POU4F1: variants seen among roughly 807,000 people sequenced by gnomAD.
POU4F1 encodes POU domain, class 4, transcription factor 1.
In POU4F1, 5 loss-of-function variants were observed where a neutral mutation model predicts 19.8. That is an observed-to-expected ratio of 0.25 (90% confidence interval 0.13 to 0.53). POU4F1 has a LOEUF of 0.53. Among genes scored for constraint, POU4F1 ranks in the 20% least tolerant of loss-of-function variants. The pLI is 0.96. For synonymous variants in POU4F1, 266 were observed against 247.7 expected, an observed-to-expected ratio of 1.07 and a Z score of -0.69; for missense variants, 408 against 511.6, an observed-to-expected ratio of 0.80 and a Z score of 1.95.
rs866826021 is a variant in POU4F1 at position 78,602,231 on chromosome 13, C to T, written c.444G>A (p.Gly148=). The T allele has an allele frequency of 2.1e-6, 2 of 956,812 alleles. No homozygotes were observed. The highest frequency in any genetic ancestry group is 2.5e-6 in the Non-Finnish European group (2 of 808,382). The allele number at this position is 956,812 out of a possible 1,614,324, so 59.3% of individuals were successfully genotyped here. A position where few individuals can be genotyped will look rare whatever the true frequency, so the allele number is the denominator to read the frequency against. Reference sequence around the variant, plus strand: ...CGCCGCCGCCCGGGCCGCCACCGCCCCCCGGGCCGTCGTGGGCGCCGCCGC... The same window carrying T: ...CGCCGCCGCCCGGGCCGCCACCGCCTCCCGGGCCGTCGTGGGCGCCGCCGC... ...AGGGGAHDGP[G]GGGGPGGGGG... is the part of the protein sequence containing the mutation. The change falls in exon 2 of 2, where the codon GGG becomes GGA. Residue 148 remains glycine, a synonymous_variant. Transcript: ENST00000377208.
intron 1 of POU4F1, among the ~76,000 whole-genome samples, 183 bp downstream of exon 1, chr13:78,603,021 G>A (rs1874776053): frequency 6.6e-6 from 1 of 152,202 alleles, no homozygotes; most frequent in Non-Finnish European, 1.5e-5. Context: ...CGGAGGCAGA[G>A]GCAGACAGGA....
At chr13:78,602,716 G>A (rs1874765733) in intron 1 of POU4F1, among the ~76,000 whole-genome samples, 165 bp from the exon 2 acceptor site, 1 of 148,394 alleles carries the variant, frequency 6.7e-6, no homozygotes, top group Non-Finnish European at 1.5e-5. Context: ...GGGAAAGACG[G>A]AGAGGGGGCA....
chr13:78,602,258 G>T lies in POU4F1; in HGVS notation c.417C>A (p.Gly139=), dbSNP rs1013723680. 3.9e-6 allele frequency: 4 copies of T among 1,031,728 alleles called. No individual in the cohort carries two copies. Among genetic ancestry groups the T allele is most frequent in the African/African-American group, 1.7e-5 (1 of 57,800 alleles). The allele number at this position is 1,031,728 out of a possible 1,614,324, so 63.9% of individuals were successfully genotyped here. Residue 139 remains glycine, a synonymous_variant, in exon 2 of 2, where the codon GGC becomes GGA. Transcript: ENST00000377208. ...CCGGGCCGTCGTGGGCGCCGCCGCCGCCGGCCGCCGCGCCCGCGCCGCCCG... is the reference window on the plus strand; with the variant it reads ...CCGGGCCGTCGTGGGCGCCGCCGCCTCCGGCCGCCGCGCCCGCGCCGCCCG... The part of the protein sequence containing the change: ...AGAGGAGAAA[G]GGGAHDGPGG...
At position 78,602,287 on chromosome 13, in the gene POU4F1, C is replaced by T. The variant is rs1874744995; in HGVS notation, c.388G>A (p.Gly130Ser). The T allele has an allele frequency of 1.6e-6, 2 of 1,223,812 alleles. No individual in the cohort carries two copies. Among genetic ancestry groups the T allele is most frequent in the African/African-American group, 1.6e-5 (1 of 63,830 alleles). The allele number at this position is 1,223,812 out of a possible 1,614,324, so 75.8% of individuals were successfully genotyped here. A position where few individuals can be genotyped will look rare whatever the true frequency, so the allele number is the denominator to read the frequency against. The change falls in exon 2 of 2, where the codon GGC becomes AGC. Residue 130 changes from glycine to serine, a missense_variant. Transcript: ENST00000377208. ...ISSPSLALMA[G>S]AGGAGAAAGG... ...GCCGCCGCGCCCGCGCCGCCCGCGC[C>T]GGCCATGAGCGCGAGCGACGGCGAG... is the stretch of plus-strand genomic sequence containing the variant.
At position 78,603,191 on chromosome 13, in the gene POU4F1, G is replaced by C. The variant is rs369782893; in HGVS notation, c.123+13C>G. 6.7e-7 allele frequency: 1 copy of C among 1,495,902 alleles called. No individual in the cohort carries two copies. 92.7% of individuals were successfully genotyped at this position (1,495,902 alleles called of 1,614,324 possible). ...GGGCGCGCGGGCCGGGGCCGCGGGCGTGGGGCGCTTACCGGCGGCGTGGGC... is the reference window on the plus strand; with the variant it reads ...GGGCGCGCGGGCCGGGGCCGCGGGCCTGGGGCGCTTACCGGCGGCGTGGGC... On this transcript the variant is annotated intron_variant, in intron 1 of 1. Coordinates refer to ENST00000377208, the MANE Select transcript of POU4F1 (RefSeq NM_006237.4).
rs1309375542 is a variant in POU4F1, at chr13:78,602,213, G to T, written c.462C>A (p.Gly154=). The change falls in exon 2 of 2, where the codon GGC becomes GGA. Residue 154 remains glycine, a synonymous_variant. Transcript: ENST00000377208. ...GGCCGCCGCCCGGGCCGCCGCCGCCGCCCGGGCCGCCACCGCCCCCCGGGC... is the reference window on the plus strand; with the variant it reads ...GGCCGCCGCCCGGGCCGCCGCCGCCTCCCGGGCCGCCACCGCCCCCCGGGC... ...HDGPGGGGGP[G]GGGGPGGGPG... is the part of the protein sequence containing the mutation. The T allele has an allele frequency of 6.3e-6, 5 of 787,700 alleles. No individual in the cohort carries two copies. Among genetic ancestry groups the T allele is most frequent in the Non-Finnish European group, 7.6e-6 (5 of 654,550 alleles). 48.8% of individuals were successfully genotyped at this position (787,700 alleles called of 1,614,324 possible). A position where few individuals can be genotyped will look rare whatever the true frequency, so the allele number is the denominator to read the frequency against.
chr13:78,601,184 C>A lies in POU4F1; in HGVS notation c.*231G>T. 2.9e-6 allele frequency: 1 copy of A among 340,254 alleles called. No individual in the cohort carries two copies. The highest frequency in any genetic ancestry group is 2.3e-5 in the South Asian group (1 of 42,584). 21.1% of individuals were successfully genotyped at this position (340,254 alleles called of 1,614,324 possible). On this transcript the variant is annotated 3_prime_UTR_variant, in exon 2 of 2. Transcript: ENST00000377208. ...CTCCCCCGAATGCTCCCCCCCTTCT[C>A]CCCTACCCTATACTCCAATCCCCAC...
At position 78,601,169 on chromosome 13, in the gene POU4F1, T is replaced by G; in HGVS notation, c.*246A>C. The G allele has an allele frequency of 4.2e-5, 2 of 47,998 alleles. No homozygotes were observed. Among genetic ancestry groups the G allele is most frequent in the Admixed American group, 2.9e-4 (1 of 3,448 alleles). 3.0% of individuals were successfully genotyped at this position (47,998 alleles called of 1,614,324 possible). On this transcript the variant is annotated 3_prime_UTR_variant, in exon 2 of 2. Transcript: ENST00000377208. ...TCCCCCCACTCCCCACTCCCCCGAA[T>G]GCTCCCCCCCTTCTCCCCTACCCTA...
Position 78,601,241 on chromosome 13 carries a change from C to T in POU4F1, c.*174G>A. The T allele has an allele frequency of 8.7e-7, 1 of 1,147,058 alleles. No homozygotes were observed. The highest frequency in any genetic ancestry group is 1.6e-5 in the South Asian group (1 of 63,336). 71.1% of individuals were successfully genotyped at this position (1,147,058 alleles called of 1,614,324 possible). Reference sequence around the variant, plus strand: ...CACCCCAGTCCTCAAGGCTAGGGGACAGCAAAGGCAGGAAAATCAGAGAAT... The same window carrying T: ...CACCCCAGTCCTCAAGGCTAGGGGATAGCAAAGGCAGGAAAATCAGAGAAT... On this transcript the variant is annotated 3_prime_UTR_variant, in exon 2 of 2. Coordinates refer to ENST00000377208, the MANE Select transcript of POU4F1 (RefSeq NM_006237.4).
rs1874637662 is a variant in POU4F1, at chr13:78,600,186, G to T, written c.*1229C>A. The T allele has an allele frequency of 6.6e-6, 1 of 152,018 alleles. No homozygotes were observed. Among genetic ancestry groups the T allele is most frequent in the African/African-American group, 2.4e-5 (1 of 41,384 alleles). The allele number at this position is 152,018 out of a possible 1,614,324, so 9.4% of individuals were successfully genotyped here. On this transcript the variant is annotated 3_prime_UTR_variant, in exon 2 of 2. Coordinates refer to ENST00000377208, the MANE Select transcript of POU4F1 (RefSeq NM_006237.4). ...ATGTCCTCCAAGAGAGGAAGAAACG[G>T]GACCTAGAAGAGCAAGATGAGTCTC... is the stretch of plus-strand genomic sequence containing the variant.
In POU4F1 at chr13:78,601,201, A is replaced by T; in HGVS notation, c.*214T>A. On this transcript the variant is annotated 3_prime_UTR_variant, in exon 2 of 2. Transcript: ENST00000377208. ...CCCCTTCTCCCCTACCCTATACTCC[A>T]ATCCCCACACCCAGCACCCCAGTCC... The T allele has an allele frequency of 3.0e-6, 1 of 332,076 alleles. No homozygotes were observed. The allele number at this position is 332,076 out of a possible 1,614,324, so 20.6% of individuals were successfully genotyped here. A position where few individuals can be genotyped will look rare whatever the true frequency, so the allele number is the denominator to read the frequency against.
intron 1 of POU4F1, 36 bp downstream of exon 1, chr13:78,603,168 G>A: frequency 7.5e-7 from 1 of 1,328,028 alleles, no homozygotes; most frequent in Non-Finnish European, 9.7e-7. Flanking sequence ...GGAGGGGCGG[G>A]CGCGCGGGCC....
intron 1 of POU4F1, among the ~76,000 whole-genome samples, chr13:78,602,897 C>A (rs949635174): frequency 6.6e-6 from 1 of 152,200 alleles, no homozygotes; most frequent in Admixed American, 6.5e-5. Flanking sequence ...CCGTGTCACA[C>A]ACCCGAGCAC....
Position 78,601,236 on chromosome 13 carries a change from G to C in POU4F1, c.*179C>G, listed in dbSNP as rs968355716. On this transcript the variant is annotated 3_prime_UTR_variant, in exon 2 of 2. Transcript: ENST00000377208. ...CCCAGCACCCCAGTCCTCAAGGCTA[G>C]GGGACAGCAAAGGCAGGAAAATCAG... 60 of 1,143,098 alleles carry C rather than the reference G, an allele frequency of 5.2e-5. No homozygotes were observed. The African/African-American group carries it at 9.4e-4, about 18-fold the overall frequency. The allele number at this position is 1,143,098 out of a possible 1,614,324, so 70.8% of individuals were successfully genotyped here. A position where few individuals can be genotyped will look rare whatever the true frequency, so the allele number is the denominator to read the frequency against.
Position 78,598,854 on chromosome 13 carries a change from A to C in POU4F1, c.*2561T>G, listed in dbSNP as rs943396781. The C allele has an allele frequency of 2.0e-5, 3 of 152,174 alleles. No homozygotes were observed. The highest frequency in any genetic ancestry group is 7.2e-5 in the African/African-American group (3 of 41,448). 9.4% of individuals were successfully genotyped at this position (152,174 alleles called of 1,614,324 possible). ...TTAAATGTTTTTTGGGTGCCTGGTT[A>C]TTTATTGGTTTTCACCACTCTGGAT... On this transcript the variant is annotated 3_prime_UTR_variant, in exon 2 of 2. Transcript: ENST00000377208.
At position 78,599,980 on chromosome 13, in the gene POU4F1, A is replaced by G. The variant is rs1197086941; in HGVS notation, c.*1435T>C. On this transcript the variant is annotated 3_prime_UTR_variant, in exon 2 of 2. Coordinates refer to ENST00000377208, the MANE Select transcript of POU4F1 (RefSeq NM_006237.4). ...CTGTAATAAATGACTCTTGAATAAT[A>G]AGAACAAGTAAAAGGAAACACAGTT... is the stretch of plus-strand genomic sequence containing the variant. 6.5e-6 allele frequency: 1 copy of G among 152,676 alleles called. No individual in the cohort carries two copies. The highest frequency in any genetic ancestry group is 1.9e-4 in the East Asian group (1 of 5,206). The allele number at this position is 152,676 out of a possible 1,614,324, so 9.5% of individuals were successfully genotyped here.
chr13:78,603,443 G>C lies in POU4F1; in HGVS notation c.-117C>G, dbSNP rs1012256024. ...AGCCGCGGCGGTCGCGGCGGCTGGC[G>C]GCGGCCCCGCCGCGGGCTGCTGCTG... On this transcript the variant is annotated 5_prime_UTR_variant, in exon 1 of 2. Coordinates refer to ENST00000377208, the MANE Select transcript of POU4F1 (RefSeq NM_006237.4). 1.2e-4 allele frequency: 157 copies of C among 1,333,256 alleles called. No individual in the cohort carries two copies. In the African/African-American group the frequency reaches 2.3e-3, roughly 19 times the overall value. The allele number at this position is 1,333,256 out of a possible 1,614,324, so 82.6% of individuals were successfully genotyped here. A position where few individuals can be genotyped will look rare whatever the true frequency, so the allele number is the denominator to read the frequency against.
rs546406313 is a variant in POU4F1 at position 78,601,030 on chromosome 13, G to A, written c.*385C>T. On this transcript the variant is annotated 3_prime_UTR_variant, in exon 2 of 2. Coordinates refer to ENST00000377208, the MANE Select transcript of POU4F1 (RefSeq NM_006237.4). ...GTTCCTTGGTCCCCAGGATATTTAG[G>A]TAAGTGTCTCTGGTCAGAAACAGTC... 1.8e-5 allele frequency: 4 copies of A among 222,076 alleles called. No homozygotes were observed. In the South Asian group the frequency reaches 2.7e-4, roughly 15 times the overall value. The allele number at this position is 222,076 out of a possible 1,614,324, so 13.8% of individuals were successfully genotyped here.
Position 78,603,171 on chromosome 13 carries a change from C to A in POU4F1, c.123+33G>T, listed in dbSNP as rs762979210. Reference sequence around the variant, plus strand: ...TTTCGGAGACGGGGAGGGGCGGGCGCGCGGGCCGGGGCCGCGGGCGTGGGG... The same window carrying A: ...TTTCGGAGACGGGGAGGGGCGGGCGAGCGGGCCGGGGCCGCGGGCGTGGGG... On this transcript the variant is annotated intron_variant, in intron 1 of 1. Transcript: ENST00000377208. 10 of 1,339,552 alleles carry A rather than the reference C, an allele frequency of 7.5e-6. No homozygotes were observed. In the African/African-American group the frequency reaches 1.6e-4, roughly 21 times the overall value. 83.0% of individuals were successfully genotyped at this position (1,339,552 alleles called of 1,614,324 possible).
Sources: gnomAD v4.1 joint callset for allele counts (sites outside exome capture counted in the v4.1 genomes callset) on GRCh38, gnomAD v4.1.1 for gene constraint, MANE v1.5 for transcripts, NCBI Gene and HGNC (gene_info 2026-07-23, HGNC 2026-07-21) for gene names.